The following DFFB variants were observed in gnomAD, a reference collection of about 807,000 sequenced individuals.
DFFB encodes DNA fragmentation factor 40 kDa subunit.
Under a neutral mutation model 32.7 loss-of-function variants are expected in DFFB, and 29 were observed. The observed-to-expected ratio is 0.89, with a 90% confidence interval of 0.66 to 1.21. The LOEUF is 1.21. DFFB is among the 50% of genes most tolerant of loss of function. DFFB has a pLI of 0.00. For missense variants in DFFB, 398 were observed against 440.6 expected, an observed-to-expected ratio of 0.90 and a Z score of 0.87; for synonymous variants, 170 against 177.1, an observed-to-expected ratio of 0.96 and a Z score of 0.32.
Position 3,869,785 on chromosome 1 carries a change from G to C in DFFB, c.681+10G>C. On this transcript the variant is annotated intron_variant, in intron 5 of 6. Transcript: ENST00000378209. Reference sequence around the variant, plus strand: ...CTGGTTCTCCTGCCAGGTGAGCTGTGTGCCCTTTATCCTGGGGCCACCCGG... The same window carrying C: ...CTGGTTCTCCTGCCAGGTGAGCTGTCTGCCCTTTATCCTGGGGCCACCCGG... 1 of 1,591,276 alleles carries C rather than the reference G, an allele frequency of 6.3e-7. No individual in the cohort carries two copies. Among genetic ancestry groups the C allele is most frequent in the Non-Finnish European group, 8.6e-7 (1 of 1,165,192 alleles).
chr1:3,865,655 G>A lies in DFFB; in HGVS notation c.242-157G>A. ...GCGTGGTCCCCAGCTGTTGGTGTCA[G>A]GGCAAGGACAAAGACCCGGGACACC... On this transcript the variant is annotated intron_variant, in intron 2 of 6. Coordinates refer to ENST00000378209, the MANE Select transcript of DFFB (RefSeq NM_004402.4). The surrounding 1 kb of genome is among the most constrained non-coding windows in gnomAD (Gnocchi z 4.7). 1 of 1,146,576 alleles carries A rather than the reference G, an allele frequency of 8.7e-7. No homozygotes were observed. The highest frequency in any genetic ancestry group is 1.3e-6 in the Non-Finnish European group (1 of 758,476). The allele number at this position is 1,146,576 out of a possible 1,614,324, so 71.0% of individuals were successfully genotyped here.
chr1:3,872,403 C>T (rs1174780059), intron 5 of DFFB, 69 bp from the exon 6 acceptor site: 10 of 1,178,584 alleles, frequency 8.5e-6, no homozygotes, highest in Non-Finnish European at 1.1e-5. Context: ...CAGAGCGAGG[C>T]GCTGTCTCAA....
intron 2 of DFFB, among the ~76,000 whole-genome samples, chr1:3,860,115 A>G (rs996904106): frequency 6.6e-6 from 1 of 152,136 alleles, no homozygotes; most frequent in African/African-American, 2.4e-5. Flanking sequence ...AAACATTGAG[A>G]TGGGGTCTCC....
chr1:3,880,299 G>A (rs1645309836), intron 6 of DFFB, among the ~76,000 whole-genome samples: 1 of 152,204 alleles, frequency 6.6e-6, no homozygotes, highest in Non-Finnish European at 1.5e-5. Flanking sequence ...GGGGACAGCT[G>A]GAAGCTCTGG....
chr1:3,883,059 G>A (rs541193013), intron 6 of DFFB, among the ~76,000 whole-genome samples: 7 of 150,170 alleles, frequency 4.7e-5, no homozygotes, highest in East Asian at 2.0e-4. Context: ...GCTGGAGTGC[G>A]GTGGCGTGAT....
In DFFB at chr1:3,865,073, ATT is replaced by A. The variant is rs70940334; in HGVS notation, c.242-729_242-728del. On this transcript the variant is annotated intron_variant, in intron 2 of 6. Coordinates refer to ENST00000378209, the MANE Select transcript of DFFB (RefSeq NM_004402.4). The surrounding 1 kb of genome is among the most constrained non-coding windows in gnomAD (Gnocchi z 4.7). ...TGTGGCTTTTCATTCTCTTAAGAGC[ATT>A]TTTTTTTTTGCGGAGTAAGAGTTTT... 4.7e-5 allele frequency among the ~76,000 whole-genome samples: 7 copies of A among 149,070 alleles called. No individual in the cohort carries two copies. In the South Asian group the frequency reaches 8.4e-4, roughly 18 times the overall value.
At position 3,883,855 on chromosome 1, in the gene DFFB, G is replaced by GA. The variant is rs1266013540; in HGVS notation, c.*120dup. 4 of 747,110 alleles carry GA rather than the reference G, an allele frequency of 5.4e-6. No individual in the cohort carries two copies. The highest frequency in any genetic ancestry group is 4.4e-6 in the Non-Finnish European group (2 of 451,946). 46.3% of individuals were successfully genotyped at this position (747,110 alleles called of 1,614,324 possible). ...TTTTTGGTCACTCCAGTAGCTCCTG[G>GA]AAAAAACCTTAAAAAATGTTTCCTC... On this transcript the variant is annotated 3_prime_UTR_variant, in exon 7 of 7. Transcript: ENST00000378209.
chr1:3,867,062 A>AT (rs1198361834), intron 3 of DFFB, among the ~76,000 whole-genome samples: 1 of 151,980 alleles, frequency 6.6e-6, no homozygotes, highest in African/African-American at 2.4e-5. Flanking sequence ...CGCCTGGCTA[A>AT]TTTTTTTGTA....
intron 2 of DFFB, chr1:3,860,651 A>G (rs546499486): frequency 4.7e-6 from 1 of 214,808 alleles, no homozygotes; most frequent in South Asian, 5.5e-5. Flanking sequence ...AATATAAAAC[A>G]GGAACACCGA....
At chr1:3,874,909 C>T (rs1645193810) in intron 6 of DFFB, among the ~76,000 whole-genome samples, 1 of 151,852 alleles carries the variant, frequency 6.6e-6, no homozygotes. Flanking sequence ...AGCCGTGTAG[C>T]TGCACCTTTA....
chr1:3,872,614 G>GGGCCCTGTCCCTGCCGT, intron 6 of DFFB, 42 bp downstream of exon 6: 1 of 959,752 alleles, frequency 1.0e-6, no homozygotes, highest in Non-Finnish European at 1.5e-6. Context: ...AGTGCCTGCA[G>GGGCCCTGTCCCTGCCGT]GGCCCTGTCC....
intron 6 of DFFB, among the ~76,000 whole-genome samples, chr1:3,882,949 G>T (rs529619333): frequency 6.6e-6 from 1 of 151,498 alleles, no homozygotes; most frequent in Admixed American, 6.6e-5. Context: ...TGGAAAGGTG[G>T]TTGACCCCCT....
At position 3,884,240 on chromosome 1, in the gene DFFB, C is replaced by G. The variant is rs1195571120; in HGVS notation, c.*499C>G. ...ACTTCCAGAGGACAGCTCTGGGGTA[C>G]TCGTTGGATGTCTGTGAGTACCTGG... On this transcript the variant is annotated 3_prime_UTR_variant, in exon 7 of 7. Transcript: ENST00000378209. The G allele has an allele frequency of 5.7e-6, 1 of 174,372 alleles. No individual in the cohort carries two copies. The highest frequency in any genetic ancestry group is 1.2e-5 in the Non-Finnish European group (1 of 80,476). The allele number at this position is 174,372 out of a possible 1,614,324, so 10.8% of individuals were successfully genotyped here.
At chr1:3,866,117 G>T in intron 3 of DFFB, 117 bp downstream of exon 3, 1 of 866,180 alleles carries the variant, frequency 1.2e-6, no homozygotes, top group South Asian at 1.7e-5. Context: ...GTGGGTTGAG[G>T]TGGGGGACTT....
In DFFB at chr1:3,865,643, C is replaced by T; in HGVS notation, c.242-169C>T. Reference sequence around the variant, plus strand: ...TGCCGCCCTTGTGCGTGGTCCCCAGCTGTTGGTGTCAGGGCAAGGACAAAG... The same window carrying T: ...TGCCGCCCTTGTGCGTGGTCCCCAGTTGTTGGTGTCAGGGCAAGGACAAAG... On this transcript the variant is annotated intron_variant, in intron 2 of 6. Transcript: ENST00000378209. The surrounding 1 kb of genome is among the most constrained non-coding windows in gnomAD (Gnocchi z 4.7). 1 of 986,374 alleles carries T rather than the reference C, an allele frequency of 1.0e-6. No homozygotes were observed. The highest frequency in any genetic ancestry group is 2.4e-5 in the East Asian group (1 of 41,178). The allele number at this position is 986,374 out of a possible 1,614,324, so 61.1% of individuals were successfully genotyped here.
intron 6 of DFFB, among the ~76,000 whole-genome samples, chr1:3,878,207 A>C (rs1351190054): frequency 2.0e-5 from 3 of 148,816 alleles, no homozygotes; most frequent in Non-Finnish European, 3.0e-5. Context: ...GCTGGAGTCC[A>C]GTGGCGCAAT....
At position 3,885,207 on chromosome 1, in the gene DFFB, G is replaced by C. The variant is rs11806049; in HGVS notation, c.*1466G>C. 1 of 152,142 alleles carries C rather than the reference G, an allele frequency of 6.6e-6. No homozygotes were observed. The highest frequency in any genetic ancestry group is 1.5e-5 in the Non-Finnish European group (1 of 68,042). The allele number at this position is 152,142 out of a possible 1,614,324, so 9.4% of individuals were successfully genotyped here. ...ACAGAGACGGTCTGGAAGGAAACAC[G>C]CGGATCTGAACAGCAGTAATCCTGG... On this transcript the variant is annotated 3_prime_UTR_variant, in exon 7 of 7. Coordinates refer to ENST00000378209, the MANE Select transcript of DFFB (RefSeq NM_004402.4).
rs767755693 is a variant in DFFB, at chr1:3,865,946, G to A, written c.376G>A (p.Val126Ile). ...QRLLADLLHN[V>I]SQNIAAETRA... The stretch of plus-strand genomic sequence containing the variant: ...GCTGCTGGCTGACCTCCTGCACAAC[G>A]TCAGCCAGAACATCGCGGCCGAGAC... Residue 126 changes from valine to isoleucine, a missense_variant, in exon 3 of 7, where the codon GTC becomes ATC. Physicochemically the swap from Val to Ile is conservative, Grantham distance 29 (BLOSUM62 3). Transcript: ENST00000378209. This position sits in a 1 kb window ranked among gnomAD's most constrained non-coding sequence, Gnocchi z 4.7. 9.3e-6 allele frequency: 15 copies of A among 1,604,786 alleles called. No homozygotes were observed. Among genetic ancestry groups the A allele is most frequent in the African/African-American group, 2.7e-5 (2 of 74,756 alleles).
Position 3,865,754 on chromosome 1 carries a change from C to A in DFFB, c.242-58C>A. ...TGTGGTCAGAGGCTCTTCTTGTGAC[C>A]GGGGCAGGATGTGTCTTCTGCTGGA... On this transcript the variant is annotated intron_variant, in intron 2 of 6. Transcript: ENST00000378209. The surrounding 1 kb of genome is among the most constrained non-coding windows in gnomAD (Gnocchi z 4.7). 1 of 1,613,668 alleles carries A rather than the reference C, an allele frequency of 6.2e-7. No individual in the cohort carries two copies. The highest frequency in any genetic ancestry group is 8.5e-7 in the Non-Finnish European group (1 of 1,179,722).
Sources: allele counts gnomAD v4.1 joint callset (sites outside exome capture counted in the v4.1 genomes callset), GRCh38; gene constraint gnomAD v4.1.1; non-coding constraint Gnocchi (gnomAD v3.1); transcripts MANE v1.5; gene names NCBI Gene and HGNC (gene_info 2026-07-23, HGNC 2026-07-21).